Variants in CDC73 observed in about 807,000 individuals in gnomAD.
CDC73 encodes parafibromin.
A neutral mutation model predicts 83.7 loss-of-function variants in CDC73; 21 were observed. The observed-to-expected ratio is 0.25, with a 90% CI of 0.18 to 0.36. CDC73 has a LOEUF of 0.36. Ranked by LOEUF, CDC73 falls within the 10% of genes least tolerant of loss-of-function variation. The probability of loss-of-function intolerance (pLI) is 1.00; values close to 1 mark genes in which losing one functional copy is unlikely to be tolerated. For missense variants in CDC73, 342 were observed against 653.3 expected (o/e 0.52, Z 5.19); for synonymous variants, 224 against 212.9 (o/e 1.05, Z -0.45).
At chr1:193,205,531 G>GT (rs1677174700) in intron 11 of CDC73, among the ~76,000 whole-genome samples, 1 of 151,620 alleles carries the variant, frequency 6.6e-6, no homozygotes, top group South Asian at 2.1e-4. Flanking sequence ...TTTTGTTTTT[G>GT]TTTTTTGTTT....
At chr1:193,248,361 T>C (rs1677988508) in intron 15 of CDC73, among the ~76,000 whole-genome samples, 1 of 152,124 alleles carries the variant, frequency 6.6e-6, no homozygotes, top group Admixed American at 6.6e-5. Flanking sequence ...TGATTGACAA[T>C]GTACCTAGTC....
intron 10 of CDC73, among the ~76,000 whole-genome samples, chr1:193,185,602 T>C (rs922199643): frequency 2.0e-5 from 3 of 152,146 alleles, no homozygotes; most frequent in African/African-American, 4.8e-5. Flanking sequence ...TACTATTTAA[T>C]GAAATTTCAC....
chr1:193,237,302 T>C (rs1289304330), intron 15 of CDC73, among the ~76,000 whole-genome samples: 2 of 152,164 alleles, frequency 1.3e-5, no homozygotes, highest in Non-Finnish European at 2.9e-5. Context: ...TTTAGTCATT[T>C]GTTCTTCTGT....
chr1:193,143,573 TAAAAG>T (rs1028666783), intron 7 of CDC73, among the ~76,000 whole-genome samples: 2 of 152,174 alleles, frequency 1.3e-5, no homozygotes, highest in Non-Finnish European at 2.9e-5. Context: ...AATAAGTTAA[TAAAAG>T]AATTGTTTTG....
At chr1:193,176,880 C>T (rs1676612141) in intron 10 of CDC73, among the ~76,000 whole-genome samples, 1 of 152,096 alleles carries the variant, frequency 6.6e-6, no homozygotes, top group Non-Finnish European at 1.5e-5. Flanking sequence ...TTTATAATTT[C>T]TAAGTGCCAC....
intron 10 of CDC73, among the ~76,000 whole-genome samples, chr1:193,193,526 C>G (rs1023297143): frequency 3.9e-5 from 6 of 151,982 alleles, no homozygotes; most frequent in Middle Eastern, 3.2e-3. Context: ...TATTTTCACC[C>G]ATTTTAAATA....
chr1:193,160,362 A>G (rs1360875864), intron 10 of CDC73, among the ~76,000 whole-genome samples: 1 of 152,064 alleles, frequency 6.6e-6, no homozygotes, highest in Non-Finnish European at 1.5e-5. Context: ...AAAATGCTGT[A>G]ATATTGATCG....
chr1:193,168,063 G>GT (rs1163469798), intron 10 of CDC73, among the ~76,000 whole-genome samples: 1 of 152,052 alleles, frequency 6.6e-6, no homozygotes, highest in Non-Finnish European at 1.5e-5. Context: ...GTTTCACCAT[G>GT]TTGGCCAGGC....
intron 10 of CDC73, among the ~76,000 whole-genome samples, chr1:193,165,435 G>A (rs945821662): frequency 3.9e-5 from 6 of 152,172 alleles, no homozygotes; most frequent in African/African-American, 1.4e-4. Flanking sequence ...AAGACTTTAT[G>A]TATCAGTAGA....
intron 10 of CDC73, among the ~76,000 whole-genome samples, chr1:193,184,687 C>G (rs574352018): frequency 6.6e-6 from 1 of 151,836 alleles, no homozygotes; most frequent in African/African-American, 2.4e-5. Flanking sequence ...TAATTGGTGA[C>G]TTCAATATTG....
At chr1:193,202,835 G>A (rs1325663864) in intron 10 of CDC73, among the ~76,000 whole-genome samples, 2 of 151,612 alleles carry the variant, frequency 1.3e-5, no homozygotes, top group Non-Finnish European at 2.9e-5. Context: ...GTTTTACCAC[G>A]TTTACCATCT....
At chr1:193,167,692 T>C (rs1292150011) in intron 10 of CDC73, among the ~76,000 whole-genome samples, 1 of 152,154 alleles carries the variant, frequency 6.6e-6, no homozygotes, top group Non-Finnish European at 1.5e-5. Flanking sequence ...ATTTTGTGTT[T>C]TCTGACCATT....
At chr1:193,232,306 A>G (rs1677674873) in intron 13 of CDC73, among the ~76,000 whole-genome samples, 2 of 152,326 alleles carry the variant, frequency 1.3e-5, no homozygotes, top group Non-Finnish European at 2.9e-5. Flanking sequence ...AGCCACAACA[A>G]CTTTTTCATT....
At chr1:193,137,244 TG>T (rs1342804935) in intron 5 of CDC73, among the ~76,000 whole-genome samples, 1 of 152,252 alleles carries the variant, frequency 6.6e-6, no homozygotes, top group Non-Finnish European at 1.5e-5. Context: ...AAAATATTTT[TG>T]CATTTATTTC....
chr1:193,220,122 C>T (rs1326723683), intron 13 of CDC73, among the ~76,000 whole-genome samples: 1 of 149,392 alleles, frequency 6.7e-6, no homozygotes, highest in Admixed American at 6.7e-5. Flanking sequence ...AATGTGAATG[C>T]TCTGGCTTCT....
intron 8 of CDC73, 136 bp from the exon 9 acceptor site, chr1:193,150,168 G>A (rs1676080579): frequency 3.0e-6 from 2 of 675,746 alleles, no homozygotes; most frequent in South Asian, 3.1e-5. Flanking sequence ...CTACTTGGAA[G>A]GCTGAGGTGG....
At chr1:193,204,226 T>C (rs4532812) in intron 11 of CDC73, among the ~76,000 whole-genome samples, 98 of 12,600 alleles carry the variant, frequency 7.8e-3, no homozygotes, top group South Asian at 0.074. Flanking sequence ...TGTATATATA[T>C]GTATATATAC....
intron 10 of CDC73, among the ~76,000 whole-genome samples, chr1:193,181,838 A>G (rs1489967227): frequency 6.6e-6 from 1 of 152,168 alleles, no homozygotes; most frequent in East Asian, 1.9e-4. Flanking sequence ...CATCACTGAG[A>G]ACAAGATTAA....
intron 8 of CDC73, among the ~76,000 whole-genome samples, chr1:193,149,711 T>A (rs1271769924): frequency 6.6e-6 from 1 of 152,222 alleles, no homozygotes; most frequent in Admixed American, 6.5e-5. Flanking sequence ...AGTATTTCAG[T>A]CTTCATGAAT....
Sources: allele counts gnomAD v4.1 joint callset (sites outside exome capture counted in the v4.1 genomes callset), GRCh38; gene constraint gnomAD v4.1.1; transcripts MANE v1.5; gene names NCBI Gene and HGNC (gene_info 2026-07-23, HGNC 2026-07-21).